The following CRIPT variants were observed in gnomAD, a reference collection of about 807,000 sequenced individuals.
The protein encoded by CRIPT is CXXC repeat containing interactor of PDZ3 domain.
In CRIPT, 20 loss-of-function variants were observed where a neutral mutation model predicts 16.6. That is an observed-to-expected ratio of 1.20 (90% CI 0.85 to 1.75). The LOEUF is 1.75. Ranked by LOEUF, CRIPT falls within the 40% of genes most tolerant of loss-of-function variation. The probability of loss-of-function intolerance (pLI) is 0.00; values close to 1 mark genes in which losing one functional copy is unlikely to be tolerated. For synonymous variants in CRIPT, 42 were observed against 37.0 expected (o/e 1.14, Z -0.49); for missense variants, 133 against 115.3 (o/e 1.15, Z -0.70).
chr2:46,618,936 A>C lies in CRIPT; in HGVS notation c.82+98A>C, dbSNP rs1670737721. On this transcript the variant is annotated intron_variant, in intron 2 of 4. Transcript: ENST00000238892. ...TTGTACAATGAAATGTTATGTGTTCAAAGTATTTTATCTATTAAACATTAA... is the reference window on the plus strand; with the variant it reads ...TTGTACAATGAAATGTTATGTGTTCCAAGTATTTTATCTATTAAACATTAA... 3 of 751,320 alleles carry C rather than the reference A, an allele frequency of 4.0e-6. No homozygotes were observed. The East Asian group carries it at 8.0e-5, about 20-fold the overall frequency. The allele number at this position is 751,320 out of a possible 1,614,324, so 46.5% of individuals were successfully genotyped here.
rs992923616 is a variant in CRIPT at position 46,627,071 on chromosome 2, G to A, written c.*2844G>A. Among the ~76,000 whole-genome samples, 2 of 152,208 alleles carry A rather than the reference G, an allele frequency of 1.3e-5. No individual in the cohort carries two copies. Among genetic ancestry groups the A allele is most frequent in the Non-Finnish European group, 2.9e-5 (2 of 68,040 alleles). On this transcript the variant is annotated 3_prime_UTR_variant, in exon 5 of 5. Transcript: ENST00000238892. Reference sequence around the variant, plus strand: ...TGGTCTCGAATTCCTGACCTCAGGTGATCCACCCATCTCAGCCTCCCAAAG... The same window carrying A: ...TGGTCTCGAATTCCTGACCTCAGGTAATCCACCCATCTCAGCCTCCCAAAG...
chr2:46,621,001 C>G (rs1670788797), intron 3 of CRIPT, among the ~76,000 whole-genome samples: 1 of 152,082 alleles, frequency 6.6e-6, no homozygotes, highest in African/African-American at 2.4e-5. Flanking sequence ...TAAAATGTAA[C>G]CTGAAACCAC....
intron 4 of CRIPT, 145 bp from the exon 5 acceptor site, chr2:46,624,018 A>G: frequency 2.2e-6 from 1 of 450,514 alleles, no homozygotes; most frequent in Non-Finnish European, 3.6e-6. Context: ...CCTGTTTATA[A>G]TTAAAATTAT....
In CRIPT at chr2:46,617,305, T is replaced by C; in HGVS notation, c.16+7T>C. On this transcript the variant is annotated splice_region_variant and intron_variant, in intron 1 of 4. Transcript: ENST00000238892. ...AGGATGGTGTGCGAAAAATGTGAGT[T>C]AAGGGGCCGCTTCTGCGGGAGGAGG... The C allele has an allele frequency of 6.4e-7, 1 of 1,554,682 alleles. No individual in the cohort carries two copies. The highest frequency in any genetic ancestry group is 8.7e-7 in the Non-Finnish European group (1 of 1,148,188).
rs1221170971 is a variant in CRIPT at position 46,618,768 on chromosome 2, A to G, written c.17-5A>G. On this transcript the variant is annotated splice_polypyrimidine_tract_variant and splice_region_variant and intron_variant, in intron 1 of 4. Coordinates refer to ENST00000238892, the MANE Select transcript of CRIPT (RefSeq NM_014171.6). ...AATTTTCCTTTTACTATCTTGTTCT[A>G]ACAGGTGAAAAGAAACTTGGTACTG... The G allele has an allele frequency of 6.3e-7, 1 of 1,589,910 alleles. No individual in the cohort carries two copies. The highest frequency in any genetic ancestry group is 1.7e-4 in the Middle Eastern group (1 of 5,902).
At position 46,624,749 on chromosome 2, in the gene CRIPT, A is replaced by G. The variant is rs1352076225; in HGVS notation, c.*522A>G. 6.6e-6 allele frequency: 1 copy of G among 152,232 alleles called. No individual in the cohort carries two copies. The highest frequency in any genetic ancestry group is 1.5e-5 in the Non-Finnish European group (1 of 68,042). The allele number at this position is 152,232 out of a possible 1,614,324, so 9.4% of individuals were successfully genotyped here. A position where few individuals can be genotyped will look rare whatever the true frequency, so the allele number is the denominator to read the frequency against. On this transcript the variant is annotated 3_prime_UTR_variant, in exon 5 of 5. Transcript: ENST00000238892. ...TTAACCTAGACCCAAATCAAAGACC[A>G]GTTGGATTTATGATATTTTTTATTT...
In CRIPT at chr2:46,625,760, C is replaced by G. The variant is rs1223933305; in HGVS notation, c.*1533C>G. ...TGAGAGCAGGAAGTATCCTCTCATG[C>G]TTAATCAGTTTGGGGTTTTTAATTA... On this transcript the variant is annotated 3_prime_UTR_variant, in exon 5 of 5. Coordinates refer to ENST00000238892, the MANE Select transcript of CRIPT (RefSeq NM_014171.6). The G allele has an allele frequency of 6.6e-6, 1 of 151,950 alleles. No individual in the cohort carries two copies. The allele number at this position is 151,950 out of a possible 1,614,324, so 9.4% of individuals were successfully genotyped here.
intron 3 of CRIPT, among the ~76,000 whole-genome samples, chr2:46,622,203 A>C (rs1670820919): frequency 6.6e-6 from 1 of 151,754 alleles, no homozygotes; most frequent in Admixed American, 6.6e-5. Flanking sequence ...CCCTGTCTCT[A>C]CTAAAAATAC....
chr2:46,623,627 T>A, intron 3 of CRIPT, 137 bp from the exon 4 acceptor site: 1 of 519,200 alleles, frequency 1.9e-6, no homozygotes, highest in African/African-American at 2.0e-5. Context: ...CCATCTGGAA[T>A]AGGCTAAACC....
intron 4 of CRIPT, 95 bp downstream of exon 4, chr2:46,623,962 G>A: frequency 1.2e-6 from 1 of 868,012 alleles, no homozygotes; most frequent in South Asian, 2.0e-5. Flanking sequence ...CATAAATTCT[G>A]TTAGCCAAAC....
In CRIPT at chr2:46,626,377, A is replaced by T. The variant is rs1243248863; in HGVS notation, c.*2150A>T. On this transcript the variant is annotated 3_prime_UTR_variant, in exon 5 of 5. Transcript: ENST00000238892. ...TTGATTCTGTGTCTTTGCTGTTGTG[A>T]ATAGTGCTGTGATGAATATGTGAGT... 6.6e-6 allele frequency among the ~76,000 whole-genome samples: 1 copy of T among 152,202 alleles called. No individual in the cohort carries two copies. The highest frequency in any genetic ancestry group is 1.5e-5 in the Non-Finnish European group (1 of 68,042).
rs541652286 is a variant in CRIPT, at chr2:46,629,989, A to G, written c.*5762A>G. Among the ~76,000 whole-genome samples the G allele has an allele frequency of 6.6e-6, 1 of 152,288 alleles. No individual in the cohort carries two copies. The highest frequency in any genetic ancestry group is 2.4e-5 in the African/African-American group (1 of 41,544). ...AATTAGTCATCATTCTACTGTAAGG[A>G]AGAGGTTTCCCTTTATCATCAACTT... On this transcript the variant is annotated 3_prime_UTR_variant, in exon 5 of 5. Coordinates refer to ENST00000238892, the MANE Select transcript of CRIPT (RefSeq NM_014171.6).
rs1572798021 is a variant in CRIPT at position 46,627,367 on chromosome 2, C to G, written c.*3140C>G. On this transcript the variant is annotated 3_prime_UTR_variant, in exon 5 of 5. Transcript: ENST00000238892. ...GAGGACTTAGCCGTAAGTTCTTTCC[C>G]ATAGCTGATGTCCAGATGTTATTTC... is the stretch of plus-strand genomic sequence containing the variant. Among the ~76,000 whole-genome samples, 3 of 151,732 alleles carry G rather than the reference C, an allele frequency of 2.0e-5. No homozygotes were observed. Among genetic ancestry groups the G allele is most frequent in the African/African-American group, 7.3e-5 (3 of 41,328 alleles).
In CRIPT at chr2:46,625,377, T is replaced by A. The variant is rs58699510; in HGVS notation, c.*1150T>A. The A allele has an allele frequency of 2.3e-5, 1 of 43,068 alleles. No homozygotes were observed. Among genetic ancestry groups the A allele is most frequent in the Non-Finnish European group, 4.3e-5 (1 of 23,456 alleles). The allele number at this position is 43,068 out of a possible 1,614,324, so 2.7% of individuals were successfully genotyped here. A position where few individuals can be genotyped will look rare whatever the true frequency, so the allele number is the denominator to read the frequency against. On this transcript the variant is annotated 3_prime_UTR_variant, in exon 5 of 5. Transcript: ENST00000238892. The stretch of plus-strand genomic sequence containing the variant: ...GAGCCACAGAACTTGGCCTCTCTCT[T>A]TTTTTTTTTTTTTTTTTTTTTTTTT...
At chr2:46,624,046 T>A (rs1321629060) in intron 4 of CRIPT, 117 bp from the exon 5 acceptor site, 228 of 464,342 alleles carry the variant, frequency 4.9e-4, no homozygotes, top group South Asian at 7.5e-4. Flanking sequence ...TATATATTTT[T>A]TTTTTCTTTT....
chr2:46,625,254 A>G lies in CRIPT; in HGVS notation c.*1027A>G. ...TGCTCAGCTAGTTTTTATTTTTAGT[A>G]GAGATGAGGACTCACTATGTTGCCC... is the stretch of plus-strand genomic sequence containing the variant. On this transcript the variant is annotated 3_prime_UTR_variant, in exon 5 of 5. Coordinates refer to ENST00000238892, the MANE Select transcript of CRIPT (RefSeq NM_014171.6). The G allele has an allele frequency of 6.6e-6, 1 of 151,388 alleles. No homozygotes were observed. The highest frequency in any genetic ancestry group is 1.5e-5 in the Non-Finnish European group (1 of 67,862). The allele number at this position is 151,388 out of a possible 1,614,324, so 9.4% of individuals were successfully genotyped here.
rs1008367077 is a variant in CRIPT, at chr2:46,624,389, A to G, written c.*162A>G. ...TTGCTCTCATGTTCTAAACAGCAAC[A>G]GTGTAACTAGTCTTTTGTTGTAAAT... On this transcript the variant is annotated 3_prime_UTR_variant, in exon 5 of 5. Transcript: ENST00000238892. 22 of 398,288 alleles carry G rather than the reference A, an allele frequency of 5.5e-5. No homozygotes were observed. The highest frequency in any genetic ancestry group is 4.5e-4 in the African/African-American group (22 of 48,392). 24.7% of individuals were successfully genotyped at this position (398,288 alleles called of 1,614,324 possible). A position where few individuals can be genotyped will look rare whatever the true frequency, so the allele number is the denominator to read the frequency against.
At chr2:46,617,888 A>G (rs140506956) in intron 1 of CRIPT, among the ~76,000 whole-genome samples, 20 of 152,048 alleles carry the variant, frequency 1.3e-4, no homozygotes, top group African/African-American at 4.6e-4. Flanking sequence ...GACCCTCCAC[A>G]CTAAGGCCCC....
chr2:46,623,028 T>C (rs1670849529), intron 3 of CRIPT, among the ~76,000 whole-genome samples: 1 of 152,078 alleles, frequency 6.6e-6, no homozygotes, highest in Non-Finnish European at 1.5e-5. Context: ...TTTTTTTCAC[T>C]CCTGTCACTA....
Sources: allele counts gnomAD v4.1 joint callset (sites outside exome capture counted in the v4.1 genomes callset), GRCh38; gene constraint gnomAD v4.1.1; transcripts MANE v1.5; gene names NCBI Gene and HGNC (gene_info 2026-07-23, HGNC 2026-07-21).